Variants in PDE9A observed in about 807,000 individuals in gnomAD.
The protein encoded by PDE9A is phosphodiesterase 9A, also known as high affinity cGMP-specific 3',5'-cyclic phosphodiesterase 9A.
Under a neutral mutation model 87.4 loss-of-function variants are expected in PDE9A, and 60 were observed. That is an observed-to-expected ratio of 0.69 (90% CI 0.56 to 0.85). The LOEUF is 0.85. Ranked by LOEUF, PDE9A falls within the 40% of genes least tolerant of loss-of-function variation. The probability of loss-of-function intolerance (pLI) is 0.00; values close to 1 mark genes in which losing one functional copy is unlikely to be tolerated. For missense variants in PDE9A, 665 were observed against 779.0 expected (o/e 0.85, Z 1.74); for synonymous variants, 272 against 279.4 (o/e 0.97, Z 0.27).
At chr21:42,664,791 C>T (rs569977412) in intron 1 of PDE9A, among the ~76,000 whole-genome samples, 70 of 152,306 alleles carry the variant, frequency 4.6e-4, no homozygotes, top group African/African-American at 3.6e-4. Context: ...TACACACGGC[C>T]GGGTCGGCCT....
Position 42,686,041 on chromosome 21 carries a change from A to T in PDE9A, c.70-151A>T, listed in dbSNP as rs968383968. On this transcript the variant is annotated intron_variant, in intron 1 of 19. Coordinates refer to ENST00000291539, the MANE Select transcript of PDE9A (RefSeq NM_002606.3). The stretch of plus-strand genomic sequence containing the variant: ...CCGTATGCATCAACCAAATGAAAAG[A>T]TGAGCCTGTGACATTCCCGTGCGTA... 3 of 610,510 alleles carry T rather than the reference A, an allele frequency of 4.9e-6. No individual in the cohort carries two copies. In the African/African-American group the frequency reaches 5.6e-5, roughly 11 times the overall value. The allele number at this position is 610,510 out of a possible 1,614,324, so 37.8% of individuals were successfully genotyped here.
chr21:42,679,406 C>G (rs1044674120), intron 1 of PDE9A, among the ~76,000 whole-genome samples: 3 of 149,132 alleles, frequency 2.0e-5, no homozygotes, highest in Admixed American at 2.0e-4. Flanking sequence ...TGGATTGCTG[C>G]TTCGGGGCTC....
chr21:42,738,753 T>C (rs996811685), intron 7 of PDE9A, among the ~76,000 whole-genome samples: 1 of 152,194 alleles, frequency 6.6e-6, no homozygotes, highest in Non-Finnish European at 1.5e-5. Context: ...TGGTGTGATC[T>C]TGGCCCACTG....
intron 7 of PDE9A, among the ~76,000 whole-genome samples, chr21:42,737,547 C>T (rs754527905): frequency 6.6e-6 from 1 of 152,140 alleles, no homozygotes; most frequent in Non-Finnish European, 1.5e-5. Context: ...GCAACCTCTG[C>T]CCCCCGAAGA....
chr21:42,675,298 A>G lies in PDE9A; in HGVS notation c.70-10894A>G, dbSNP rs2058789689. ...GTAATCACTTCATTGTTTATGAGAT[A>G]CTCAGCTTAATTCCATTTCTCTGCA... On this transcript the variant is annotated intron_variant, in intron 1 of 19. Transcript: ENST00000291539. This position sits in a 1 kb window ranked among gnomAD's most constrained non-coding sequence, Gnocchi z 4.3. Among the ~76,000 whole-genome samples the G allele has an allele frequency of 6.6e-6, 1 of 152,232 alleles. No homozygotes were observed. The highest frequency in any genetic ancestry group is 1.5e-5 in the Non-Finnish European group (1 of 68,040).
In PDE9A at chr21:42,668,016, C is replaced by A. The variant is rs971884251; in HGVS notation, c.69+14133C>A. 1.4e-3 allele frequency among the ~76,000 whole-genome samples: 219 copies of A among 152,114 alleles called. 3 individuals carry two copies. The highest frequency in any genetic ancestry group is 2.2e-4 in the Non-Finnish European group (15 of 68,020). On this transcript the variant is annotated intron_variant, in intron 1 of 19. Coordinates refer to ENST00000291539, the MANE Select transcript of PDE9A (RefSeq NM_002606.3). ...TGGGTCGAAGTTGGAGAGAGGGGTG[C>A]ACAAAAAGGATTCCACTCCTGTCTG...
chr21:42,743,923 C>T (rs1052628099), intron 8 of PDE9A, 63 bp downstream of exon 8: 111 of 942,592 alleles, frequency 1.2e-4, no homozygotes, highest in Non-Finnish European at 1.7e-4. Flanking sequence ...ACCAGTTGGG[C>T]TGGGGCTGTG....
At chr21:42,736,056 G>A (rs923989548) in intron 7 of PDE9A, among the ~76,000 whole-genome samples, 2 of 151,948 alleles carry the variant, frequency 1.3e-5, no homozygotes, top group African/African-American at 4.8e-5. Context: ...GCAGATGCCC[G>A]CGGGCAGCAG....
intron 14 of PDE9A, among the ~76,000 whole-genome samples, chr21:42,764,673 G>A (rs2056189361): frequency 6.6e-6 from 1 of 152,222 alleles, no homozygotes; most frequent in African/African-American, 2.4e-5. Flanking sequence ...TTCACTGACT[G>A]CAAAATATGA....
At chr21:42,674,316 C>CTTTTTTTT (rs34238765) in intron 1 of PDE9A, among the ~76,000 whole-genome samples, 2 of 134,608 alleles carry the variant, frequency 1.5e-5, no homozygotes, top group African/African-American at 5.7e-5. Context: ...TTTAGACATT[C>CTTTTTTTT]TTTTTTTTTT....
At chr21:42,684,260 T>C (rs2059322679) in intron 1 of PDE9A, among the ~76,000 whole-genome samples, 1 of 152,202 alleles carries the variant, frequency 6.6e-6, no homozygotes, top group African/African-American at 2.4e-5. Flanking sequence ...CTTCCTCTTC[T>C]TCCACCCCTG....
chr21:42,759,412 T>G lies in PDE9A; in HGVS notation c.897+327T>G. On this transcript the variant is annotated intron_variant, in intron 11 of 19. Coordinates refer to ENST00000291539, the MANE Select transcript of PDE9A (RefSeq NM_002606.3). This position sits in a 1 kb window ranked among gnomAD's most constrained non-coding sequence, Gnocchi z 7.2. ...GTGTGTGTGTGGGAGCGTGTGTGTG[T>G]GTGAGAGTGAGTATGGGGGTGTGGA... is the stretch of plus-strand genomic sequence containing the variant. Among the ~76,000 whole-genome samples the G allele has an allele frequency of 6.7e-6, 1 of 148,338 alleles. No homozygotes were observed.
intron 8 of PDE9A, among the ~76,000 whole-genome samples, chr21:42,747,540 C>G (rs764962027): frequency 6.6e-5 from 10 of 152,254 alleles, no homozygotes; most frequent in Non-Finnish European, 4.4e-5. Flanking sequence ...CCCTTGGGAA[C>G]AGCAGTGGCA....
intron 4 of PDE9A, chr21:42,724,631 C>A (rs532974510): frequency 1.0e-6 from 1 of 978,990 alleles, no homozygotes; most frequent in Non-Finnish European, 1.2e-6. Context: ...TATATTCCAT[C>A]GGTGTAAGTA....
chr21:42,697,862 G>A (rs1007036505), intron 3 of PDE9A, among the ~76,000 whole-genome samples: 2 of 152,148 alleles, frequency 1.3e-5, no homozygotes, highest in African/African-American at 4.8e-5. Flanking sequence ...TTGGGGTGGG[G>A]GTGCCTCAAC....
chr21:42,698,427 G>T (rs771493557), intron 3 of PDE9A, among the ~76,000 whole-genome samples: 1 of 152,154 alleles, frequency 6.6e-6, no homozygotes, highest in Non-Finnish European at 1.5e-5. Flanking sequence ...GTGTGTCAGC[G>T]ACAGAAACGT....
At chr21:42,667,019 C>T (rs1057247215) in intron 1 of PDE9A, among the ~76,000 whole-genome samples, 10 of 152,244 alleles carry the variant, frequency 6.6e-5, no homozygotes, top group South Asian at 2.1e-4. Context: ...CACTCCCCCC[C>T]GCCCCAACCC....
intron 7 of PDE9A, among the ~76,000 whole-genome samples, chr21:42,738,758 C>T (rs534752054): frequency 1.2e-4 from 19 of 152,140 alleles, no homozygotes; most frequent in East Asian, 9.7e-4. Context: ...TGATCTTGGC[C>T]CACTGCAACC....
chr21:42,770,772 A>C lies in PDE9A; in HGVS notation c.1660A>C (p.Lys554Gln), dbSNP rs373298228. The C allele has an allele frequency of 1.2e-6, 2 of 1,614,002 alleles. No individual in the cohort carries two copies. The highest frequency in any genetic ancestry group is 1.6e-4 in the Middle Eastern group (1 of 6,062). The change falls in exon 18 of 20, where the codon AAG becomes CAG. Residue 554 changes from lysine to glutamine, a missense_variant. Physicochemically the swap from Lys to Gln is moderately conservative, Grantham distance 53. Coordinates refer to ENST00000291539, the MANE Select transcript of PDE9A (RefSeq NM_002606.3). The stretch of plus-strand genomic sequence containing the variant: ...ATCCCGAGATCGCTACGAGGAGCTG[A>C]AGCGGATAGATGACGCCATGAAAGA... ...WESRDRYEELKRIDDAMKELQ... is the reference protein window; with the variant it reads ...WESRDRYEELQRIDDAMKELQ...
Sources: gnomAD v4.1 joint callset for allele counts (sites outside exome capture counted in the v4.1 genomes callset) on GRCh38, gnomAD v4.1.1 for gene constraint, Gnocchi (gnomAD v3.1) non-coding constraint, MANE v1.5 for transcripts, NCBI Gene and HGNC (gene_info 2026-07-23, HGNC 2026-07-21) for gene names.